The following RRP7A variants were observed in gnomAD, a reference collection of about 807,000 sequenced individuals.
RRP7A encodes the protein ribosomal RNA processing 7 homolog A.
RRP7A carries 27 observed loss-of-function variants against 38.4 expected under a neutral mutation model. That is an observed-to-expected ratio of 0.70 (90% CI 0.52 to 0.97). The LOEUF (loss-of-function observed/expected upper bound fraction) is 0.97, where lower values mean the gene tolerates loss of function less well. Ranked by LOEUF, RRP7A falls within the 50% of genes least tolerant of loss-of-function variation. RRP7A has a pLI of 0.00. For synonymous variants in RRP7A, 124 were observed against 150.3 expected, an observed-to-expected ratio of 0.83 and a Z score of 1.28; for missense variants, 327 against 375.4, an observed-to-expected ratio of 0.87 and a Z score of 1.07.
intron 6 of RRP7A, 135 bp downstream of exon 6, chr22:42,513,971 G>C: frequency 2.7e-6 from 2 of 752,376 alleles, no homozygotes; most frequent in South Asian, 3.4e-5. Flanking sequence ...AGTCTGGTGC[G>C]AGCCCCGTGC....
At chr22:42,515,693 C>G (rs1210463427) in intron 3 of RRP7A, among the ~76,000 whole-genome samples, 1 of 152,120 alleles carries the variant, frequency 6.6e-6, no homozygotes, top group Non-Finnish European at 1.5e-5. Context: ...CCTGGAGACC[C>G]GGCCCCCAAG....
rs1932504187 is a variant in RRP7A, at chr22:42,512,650, G to A, written c.*260C>T. ...CGGATTCATCCAGGGTCCTGGAGAG[G>A]AGGGTGTGGAGGCAAGAAGCAGGAA... On this transcript the variant is annotated 3_prime_UTR_variant, in exon 7 of 7. Coordinates refer to ENST00000323013, the MANE Select transcript of RRP7A (RefSeq NM_015703.5). 22 of 590,096 alleles carry A rather than the reference G, an allele frequency of 3.7e-5. 1 individual carries two copies. The South Asian group carries it at 4.3e-4, about 12-fold the overall frequency. The allele number at this position is 590,096 out of a possible 1,614,324, so 36.6% of individuals were successfully genotyped here.
chr22:42,512,697 C>T lies in RRP7A; in HGVS notation c.*213G>A, dbSNP rs181681245. ...GGAAGGACAAGTCCTCCTCTCGGCACGCCTGGGTCCCCAGGACTGCTGAAG... is the reference window on the plus strand; with the variant it reads ...GGAAGGACAAGTCCTCCTCTCGGCATGCCTGGGTCCCCAGGACTGCTGAAG... On this transcript the variant is annotated 3_prime_UTR_variant, in exon 7 of 7. Coordinates refer to ENST00000323013, the MANE Select transcript of RRP7A (RefSeq NM_015703.5). The T allele has an allele frequency of 6.3e-3, 3,863 of 612,556 alleles. No individual in the cohort carries two copies. The highest frequency in any genetic ancestry group is 6.1e-3 in the Non-Finnish European group (2,107 of 343,480). 37.9% of individuals were successfully genotyped at this position (612,556 alleles called of 1,614,324 possible).
In RRP7A at chr22:42,511,915, C is replaced by T. The variant is rs558079000; in HGVS notation, c.*995G>A. ...GCTGGCCTAGACCCCTGGGAGGCCT[C>T]CAAGTCCCTAAGGTTAGACATCTCC... On this transcript the variant is annotated 3_prime_UTR_variant, in exon 7 of 7. Transcript: ENST00000323013. 54 of 646,310 alleles carry T rather than the reference C, an allele frequency of 8.4e-5. No homozygotes were observed. The Middle Eastern group carries it at 1.8e-3, about 21-fold the overall frequency. The allele number at this position is 646,310 out of a possible 1,614,324, so 40.0% of individuals were successfully genotyped here. A position where few individuals can be genotyped will look rare whatever the true frequency, so the allele number is the denominator to read the frequency against.
chr22:42,517,984 C>A (rs1174195041), intron 2 of RRP7A, 21 bp downstream of exon 2: 1 of 1,609,614 alleles, frequency 6.2e-7, no homozygotes, highest in Non-Finnish European at 8.5e-7. Context: ...CAGGTCTCCT[C>A]CCAGACAGAC....
At chr22:42,513,276 C>CCCCCA (rs1461572763) in intron 6 of RRP7A, among the ~76,000 whole-genome samples, 1 of 134,928 alleles carries the variant, frequency 7.4e-6, no homozygotes, top group Non-Finnish European at 1.6e-5. Flanking sequence ...CCCGCCCCCA[C>CCCCCA]CCCCATCCCT....
Position 42,514,136 on chromosome 22 carries a change from C to G in RRP7A, c.727G>C (p.Ala243Pro). The G allele has an allele frequency of 6.2e-7, 1 of 1,613,244 alleles. No homozygotes were observed. The highest frequency in any genetic ancestry group is 2.2e-5 in the East Asian group (1 of 44,874). ...RSRKELLNFY[A>P]WQHRESKMEH... is the part of the protein sequence containing the mutation. ...ATCTTGCTCTCTCGATGCTGCCAGGCGTAGAAGTTGAGCAGCTCTTTTCGG... is the reference window on the plus strand; with the variant it reads ...ATCTTGCTCTCTCGATGCTGCCAGGGGTAGAAGTTGAGCAGCTCTTTTCGG... Residue 243 changes from alanine (A) to proline (P), a missense_variant, in exon 6 of 7, where the codon GCC becomes CCC. This residue lies in a region of RRP7A where 84 missense variants were observed against 82.8 expected (regional missense o/e 1.01). Transcript: ENST00000323013.
intron 2 of RRP7A, 132 bp from the exon 3 acceptor site, chr22:42,516,268 G>C: frequency 8.3e-7 from 1 of 1,208,092 alleles, no homozygotes; most frequent in Non-Finnish European, 1.2e-6. Flanking sequence ...TGCCCAAGCC[G>C]GGAGACTGTG....
intron 1 of RRP7A, 32 bp from the exon 2 acceptor site, chr22:42,518,179 A>C (rs780372132): frequency 1.3e-6 from 2 of 1,587,730 alleles, no homozygotes; most frequent in African/African-American, 2.7e-5. Context: ...AGGGATGGCC[A>C]GGCTACCCTG....
Position 42,519,787 on chromosome 22 carries a change from C to T in RRP7A, c.-1G>A, listed in dbSNP as rs1215451559. ...CGCACTTCCTCCTGCGCGCCACCAT[C>T]TTGCCACCCGGGAGCGCGGGGGCCG... is the stretch of plus-strand genomic sequence containing the variant. On this transcript the variant is annotated 5_prime_UTR_variant, in exon 1 of 7. Coordinates refer to ENST00000323013, the MANE Select transcript of RRP7A (RefSeq NM_015703.5). 2.8e-6 allele frequency: 4 copies of T among 1,435,298 alleles called. No homozygotes were observed. The highest frequency in any genetic ancestry group is 2.9e-5 in the Admixed American group (1 of 34,862). The allele number at this position is 1,435,298 out of a possible 1,614,324, so 88.9% of individuals were successfully genotyped here.
rs1396684777 is a variant in RRP7A, at chr22:42,508,346, C to T, written c.*4564G>A. On this transcript the variant is annotated 3_prime_UTR_variant, in exon 7 of 7. Transcript: ENST00000323013. The stretch of plus-strand genomic sequence containing the variant: ...AAAAAAAAAAAAGGTTCTATAAATT[C>T]TTCTCATATTTTTATTTAACATCCA... Among the ~76,000 whole-genome samples the T allele has an allele frequency of 5.5e-5, 8 of 145,342 alleles. No individual in the cohort carries two copies. In the South Asian group the frequency reaches 1.8e-3, roughly 32 times the overall value.
chr22:42,517,956 G>C, intron 2 of RRP7A, 49 bp downstream of exon 2: 1 of 1,592,270 alleles, frequency 6.3e-7, no homozygotes, highest in Non-Finnish European at 8.6e-7. Flanking sequence ...GGCCATGGGA[G>C]CCCCCACCTT....
At chr22:42,517,351 A>AG (rs1243019052) in intron 2 of RRP7A, among the ~76,000 whole-genome samples, 1 of 150,618 alleles carries the variant, frequency 6.6e-6, no homozygotes, top group African/African-American at 2.4e-5. Flanking sequence ...GTAAAAAAAA[A>AG]AAAAAAAAAA....
At chr22:42,513,180 G>C (rs1920922527) in intron 6 of RRP7A, among the ~76,000 whole-genome samples, 185 bp from the exon 7 acceptor site, 1 of 143,408 alleles carries the variant, frequency 7.0e-6, no homozygotes, top group Non-Finnish European at 1.6e-5. Flanking sequence ...AGAACCGACG[G>C]CAGGCCGAGT....
In RRP7A at chr22:42,512,938, C is replaced by T. The variant is rs140514169; in HGVS notation, c.815G>A (p.Arg272Gln). 2.7e-5 allele frequency: 44 copies of T among 1,613,432 alleles called. 1 individual carries two copies. The highest frequency in any genetic ancestry group is 1.7e-4 in the Middle Eastern group (1 of 6,050). The part of the protein sequence containing the change: ...EEDKQRIELL[R>Q]AQRKFRPY The stretch of plus-strand genomic sequence containing the variant: ...GTACGGTCGGAATTTGCGCTGGGCC[C>T]GCAGCAGCTCGATCCTCTGCTTGTC... The change falls in exon 7 of 7, where the codon CGG (arginine) becomes CAG (glutamine). Residue 272 changes from arginine (R) to glutamine (Q), a missense_variant. By Grantham distance (43) the Arg-to-Gln change is conservative. Around this residue, in one of 5 missense-constraint regions of RRP7A, gnomAD observed 84 missense variants for 82.8 expected, o/e 1.01. Transcript: ENST00000323013.
In RRP7A at chr22:42,514,147, A is replaced by T. The variant is rs1476443974; in HGVS notation, c.716T>A (p.Leu239His). The change falls in exon 6 of 7, where the codon CTC (leucine) becomes CAC (histidine). Residue 239 changes from leucine (L) to histidine (H), a missense_variant. By Grantham distance (99) the Leu-to-His change is moderately conservative (BLOSUM62 -3). Transcript: ENST00000323013. ...ERRKRSRKEL[L>H]NFYAWQHRES... ...TCGATGCTGCCAGGCGTAGAAGTTGAGCAGCTCTTTTCGGCTGCGCTTCCG... is the reference window on the plus strand; with the variant it reads ...TCGATGCTGCCAGGCGTAGAAGTTGTGCAGCTCTTTTCGGCTGCGCTTCCG... 1 of 1,613,560 alleles carries T rather than the reference A, an allele frequency of 6.2e-7. No individual in the cohort carries two copies. Among genetic ancestry groups the T allele is most frequent in the Admixed American group, 1.7e-5 (1 of 59,964 alleles).
intron 2 of RRP7A, among the ~76,000 whole-genome samples, chr22:42,516,897 C>G (rs1209645699): frequency 3.9e-5 from 6 of 152,154 alleles, no homozygotes; most frequent in African/African-American, 1.2e-4. Context: ...GGTCAGAACT[C>G]ACACCCCCTC....
rs1208724934 is a variant in RRP7A, at chr22:42,510,186, TCTC to T, written c.*2721_*2723del. 1 of 152,466 alleles carries T rather than the reference TCTC, an allele frequency of 6.6e-6. No individual in the cohort carries two copies. Among genetic ancestry groups the T allele is most frequent in the Admixed American group, 6.5e-5 (1 of 15,278 alleles). 9.4% of individuals were successfully genotyped at this position (152,466 alleles called of 1,614,324 possible). ...CACCATGTTAGCCAGGATGGTCTCA[TCTC>T]CTGACCTCGTGATCCACCCGCCTCA... On this transcript the variant is annotated 3_prime_UTR_variant, in exon 7 of 7. Transcript: ENST00000323013.
At position 42,511,860 on chromosome 22, in the gene RRP7A, CCT is replaced by C. The variant is rs1482664924; in HGVS notation, c.*1048_*1049del. On this transcript the variant is annotated 3_prime_UTR_variant, in exon 7 of 7. Transcript: ENST00000323013. ...ACAGCAACCCTGGCCTCGGCCCTGC[CCT>C]GTCCCTGCCATGCAACTTCACAACT... 2.0e-5 allele frequency: 11 copies of C among 547,282 alleles called. No individual in the cohort carries two copies. Among genetic ancestry groups the C allele is most frequent in the Non-Finnish European group, 3.7e-5 (11 of 299,820 alleles). The allele number at this position is 547,282 out of a possible 1,614,324, so 33.9% of individuals were successfully genotyped here.
Sources: allele counts gnomAD v4.1 joint callset (sites outside exome capture counted in the v4.1 genomes callset), GRCh38; gene constraint gnomAD v4.1.1; regional missense constraint gnomAD v4.1.1; transcripts MANE v1.5; gene names NCBI Gene and HGNC (gene_info 2026-07-23, HGNC 2026-07-21).